The following SARS1 variants were observed in gnomAD, a reference collection of about 807,000 sequenced individuals.
SARS1 encodes seryl-tRNA synthetase 1, also known as serine--tRNA ligase, cytoplasmic.
SARS1 carries 25 observed loss-of-function variants against 63.7 expected under a neutral mutation model. The observed-to-expected ratio is 0.39, with a 90% CI of 0.29 to 0.55. The LOEUF (loss-of-function observed/expected upper bound fraction) is 0.55, where lower values mean the gene tolerates loss of function less well. Ranked by LOEUF, SARS1 falls within the 20% of genes least tolerant of loss-of-function variation. The pLI is 0.62. For missense variants in SARS1, 417 were observed against 649.7 expected, an observed-to-expected ratio of 0.64 and a Z score of 3.89; for synonymous variants, 231 against 243.5, an observed-to-expected ratio of 0.95 and a Z score of 0.48.
chr1:109,215,341 G>T, intron 1 of SARS1: 1 of 985,440 alleles, frequency 1.0e-6, no homozygotes, highest in Non-Finnish European at 1.2e-6. Flanking sequence ...TTTTGTGTCA[G>T]TCCAGCCCTT....
intron 1 of SARS1, among the ~76,000 whole-genome samples, chr1:109,218,228 G>A (rs369313622): frequency 1.1e-3 from 158 of 141,862 alleles, no homozygotes; most frequent in African/African-American, 3.0e-3. Context: ...TTAGCCAGGC[G>A]TGGTGGCGGG....
intron 2 of SARS1, among the ~76,000 whole-genome samples, chr1:109,226,097 G>A (rs1161377329): frequency 6.7e-6 from 1 of 150,280 alleles, no homozygotes; most frequent in Non-Finnish European, 1.5e-5. Flanking sequence ...GGCTCAAGCA[G>A]CCCTCCTGCC....
At chr1:109,222,630 A>G (rs973375471) in intron 1 of SARS1, among the ~76,000 whole-genome samples, 11 of 152,246 alleles carry the variant, frequency 7.2e-5, no homozygotes, top group Non-Finnish European at 1.0e-4. Context: ...TTAAAGAGGT[A>G]TCAAAGAGGA....
rs528287986 is a variant in SARS1 at position 109,213,948 on chromosome 1, G to C, written c.-45G>C. The C allele has an allele frequency of 6.4e-7, 1 of 1,568,988 alleles. No homozygotes were observed. Among genetic ancestry groups the C allele is most frequent in the South Asian group, 1.2e-5 (1 of 86,340 alleles). On this transcript the variant is annotated 5_prime_UTR_variant, in exon 1 of 11. Coordinates refer to ENST00000234677, the MANE Select transcript of SARS1 (RefSeq NM_006513.4). Reference sequence around the variant, plus strand: ...GCGGCGGTCACAGGCTGAGTGCTGCGGCGCGATCCTTGCTTCCCTGAGCGT... The same window carrying C: ...GCGGCGGTCACAGGCTGAGTGCTGCCGCGCGATCCTTGCTTCCCTGAGCGT...
rs1170030469 is a variant in SARS1, at chr1:109,230,883, G to A, written c.453G>A (p.Val151=). 1 of 1,601,214 alleles carries A rather than the reference G, an allele frequency of 6.2e-7. No homozygotes were observed. The highest frequency in any genetic ancestry group is 2.3e-5 in the East Asian group (1 of 43,678). Residue 151 remains valine, a synonymous_variant, in exon 5 of 11, where the codon GTG becomes GTA. Coordinates refer to ENST00000234677, the MANE Select transcript of SARS1 (RefSeq NM_006513.4). ...TTCTTGCTCTGTTTCCTTAGGATGT[G>A]GACAACAAAGTAGAGAGGATTTGGG... The part of the protein sequence containing the change: ...PSVPISNDED[V]DNKVERIWGD...
At chr1:109,233,250 A>G (rs1655243163) in intron 6 of SARS1, among the ~76,000 whole-genome samples, 1 of 152,140 alleles carries the variant, frequency 6.6e-6, no homozygotes, top group African/African-American at 2.4e-5. Context: ...GGCTCAAACA[A>G]TCCATCCGCC....
chr1:109,220,088 A>G (rs904318427), intron 1 of SARS1, among the ~76,000 whole-genome samples: 1 of 152,240 alleles, frequency 6.6e-6, no homozygotes, highest in African/African-American at 2.4e-5. Context: ...TAATGTTATG[A>G]TTTATGAATA....
intron 6 of SARS1, among the ~76,000 whole-genome samples, chr1:109,233,956 A>G (rs759713994): frequency 7.4e-6 from 1 of 134,952 alleles, no homozygotes; most frequent in Non-Finnish European, 1.5e-5. Context: ...TGCAACCTCT[A>G]CGCACCGAGT....
chr1:109,229,468 C>T lies in SARS1; in HGVS notation c.343C>T (p.Leu115=). The T allele has an allele frequency of 1.9e-6, 3 of 1,614,162 alleles. No individual in the cohort carries two copies. In the African/African-American group the frequency reaches 4.0e-5, roughly 22 times the overall value. ...CCGACTCCTCATTGATGAAGCCATCCTGAAGTGTGACGCGGAGCGGATAAA... is the reference window on the plus strand; with the variant it reads ...CCGACTCCTCATTGATGAAGCCATCTTGAAGTGTGACGCGGAGCGGATAAA... ...KVRLLIDEAI[L]KCDAERIKLE... is the part of the protein sequence containing the mutation. The change falls in exon 4 of 11, where the codon CTG becomes TTG. Residue 115 remains leucine (L), a synonymous_variant. Coordinates refer to ENST00000234677, the MANE Select transcript of SARS1 (RefSeq NM_006513.4).
intron 3 of SARS1, 73 bp from the exon 4 acceptor site, chr1:109,229,341 G>T: frequency 6.7e-7 from 1 of 1,503,258 alleles, no homozygotes; most frequent in Admixed American, 1.9e-5. Context: ...ACAGGGTTAG[G>T]GCAACCGAAT....
At chr1:109,236,976 T>G in intron 9 of SARS1, 1 of 1,409,834 alleles carries the variant, frequency 7.1e-7, no homozygotes, top group East Asian at 2.7e-5. Context: ...TAGTAGTTTC[T>G]TCCTTCCCTC....
At chr1:109,229,637 GGGA>G (rs1655164852) in intron 4 of SARS1, 65 bp downstream of exon 4, 5 of 1,514,712 alleles carry the variant, frequency 3.3e-6, no homozygotes, top group Non-Finnish European at 4.5e-6. Flanking sequence ...GGGCGGGGAC[GGGA>G]GGAGATCTGT....
rs376318089 is a variant in SARS1, at chr1:109,235,323, G to A, written c.861G>A (p.Pro287=). 221 of 1,614,064 alleles carry A rather than the reference G, an allele frequency of 1.4e-4. 1 individual carries two copies. Among genetic ancestry groups the A allele is most frequent in the South Asian group, 9.8e-4 (89 of 91,078 alleles). The change falls in exon 7 of 11, where the codon CCG becomes CCA. Residue 287 remains proline, a synonymous_variant. Coordinates refer to ENST00000234677, the MANE Select transcript of SARS1 (RefSeq NM_006513.4). The surrounding 1 kb of genome is among the most constrained non-coding windows in gnomAD (Gnocchi z 4.7). ...AALHRDEWLR[P]EDLPIKYAGL... is the part of the protein sequence containing the mutation. The stretch of plus-strand genomic sequence containing the variant: ...TGCACCGGGATGAGTGGCTCCGGCC[G>A]GAGGACCTGCCCATCAAGTATGCTG...
At position 109,235,740 on chromosome 1, in the gene SARS1, A is replaced by T. The variant is rs1655293025; in HGVS notation, c.970-237A>T. Reference sequence around the variant, plus strand: ...TGCCTCACCAGGCCTATTGTGGCCTATTGTGAGGATTATCCCAGTCACTAT... The same window carrying T: ...TGCCTCACCAGGCCTATTGTGGCCTTTTGTGAGGATTATCCCAGTCACTAT... On this transcript the variant is annotated intron_variant, in intron 7 of 10. Transcript: ENST00000234677. This position sits in a 1 kb window ranked among gnomAD's most constrained non-coding sequence, Gnocchi z 4.7. Among the ~76,000 whole-genome samples the T allele has an allele frequency of 6.6e-6, 1 of 152,214 alleles. No individual in the cohort carries two copies. Among genetic ancestry groups the T allele is most frequent in the Non-Finnish European group, 1.5e-5 (1 of 68,026 alleles).
At chr1:109,221,175 C>T (rs1654920041) in intron 1 of SARS1, among the ~76,000 whole-genome samples, 1 of 152,000 alleles carries the variant, frequency 6.6e-6, no homozygotes, top group South Asian at 2.1e-4. Flanking sequence ...ATTCTCCTGC[C>T]TCAGCCTCCT....
chr1:109,238,128 C>CCTG lies in SARS1; in HGVS notation c.*240_*241insCTG. The CCTG allele has an allele frequency of 1.9e-6, 1 of 535,510 alleles. No homozygotes were observed. The highest frequency in any genetic ancestry group is 2.8e-5 in the South Asian group (1 of 36,276). The allele number at this position is 535,510 out of a possible 1,614,324, so 33.2% of individuals were successfully genotyped here. On this transcript the variant is annotated 3_prime_UTR_variant, in exon 11 of 11. Transcript: ENST00000234677. ...AAGCATCTCTGGGGAGGGCTTAGGA[C>CCTG]TCTTCCTCAGTCTTCTTCCCCGGGC...
chr1:109,217,245 T>C, intron 1 of SARS1: 1 of 572,520 alleles, frequency 1.7e-6, no homozygotes, highest in Non-Finnish European at 2.2e-6. Flanking sequence ...ATGCATGAAA[T>C]ACACATACCC....
Position 109,237,239 on chromosome 1 carries a change from C to A in SARS1, c.1258-5C>A. The stretch of plus-strand genomic sequence containing the variant: ...GACTTCCCCTCTGGGACCCTGTCTT[C>A]CCAGGTGGAGTTTGTCCATATGCTC... On this transcript the variant is annotated splice_polypyrimidine_tract_variant and splice_region_variant and intron_variant, in intron 9 of 10. Transcript: ENST00000234677. This position sits in a 1 kb window ranked among gnomAD's most constrained non-coding sequence, Gnocchi z 4.1. 1 of 1,609,038 alleles carries A rather than the reference C, an allele frequency of 6.2e-7. No individual in the cohort carries two copies. The highest frequency in any genetic ancestry group is 8.5e-7 in the Non-Finnish European group (1 of 1,177,992).
chr1:109,224,473 A>G (rs1409115602), intron 2 of SARS1, among the ~76,000 whole-genome samples: 2 of 152,140 alleles, frequency 1.3e-5, no homozygotes, highest in African/African-American at 4.8e-5. Flanking sequence ...CAGTTTTCTC[A>G]TTTATAAAAT....
Sources: allele counts gnomAD v4.1 joint callset (sites outside exome capture counted in the v4.1 genomes callset), GRCh38; gene constraint gnomAD v4.1.1; non-coding constraint Gnocchi (gnomAD v3.1); transcripts MANE v1.5; gene names NCBI Gene and HGNC (gene_info 2026-07-23, HGNC 2026-07-21).